Variants in PCDHA3 observed in about 807,000 individuals in gnomAD.
PCDHA3 encodes the protein protocadherin alpha 3.
A neutral mutation model predicts 62.2 loss-of-function variants in PCDHA3; 41 were observed. The observed-to-expected ratio is 0.66, with a 90% confidence interval of 0.51 to 0.86. The LOEUF (loss-of-function observed/expected upper bound fraction) is 0.86, where lower values mean the gene tolerates loss of function less well. Ranked by LOEUF, PCDHA3 falls within the 40% of genes least tolerant of loss-of-function variation. The probability of loss-of-function intolerance (pLI) is 0.00; values close to 1 mark genes in which losing one functional copy is unlikely to be tolerated. For synonymous variants in PCDHA3, 640 were observed against 555.4 expected (o/e 1.15, Z -2.14); for missense variants, 1,304 against 1,241.2 (o/e 1.05, Z -0.76).
In PCDHA3 at chr5:140,856,944, G is replaced by A; in HGVS notation, c.2394+53353G>A. Reference sequence around the variant, plus strand: ...AAATTTTGGATAAACGAAAGGACGGGAGAAATAAAAGTAAATGATGCTATT... The same window carrying A: ...AAATTTTGGATAAACGAAAGGACGGAAGAAATAAAAGTAAATGATGCTATT... On this transcript the variant is annotated intron_variant, in intron 1 of 3. Transcript: ENST00000522353. 1.9e-6 allele frequency: 3 copies of A among 1,593,674 alleles called. 1 individual carries two copies. The highest frequency in any genetic ancestry group is 2.6e-6 in the Non-Finnish European group (3 of 1,163,664).
intron 3 of PCDHA3, among the ~76,000 whole-genome samples, chr5:141,000,393 C>CTATA (rs1563650230): frequency 1.3e-4 from 7 of 52,858 alleles, no homozygotes; most frequent in Admixed American, 2.8e-4. Context: ...CTCTCTCTCT[C>CTATA]TCTATATATA....
At chr5:140,852,973 T>G (rs2150526500) in intron 1 of PCDHA3, 26 of 368,004 alleles carry the variant, frequency 7.1e-5, no homozygotes, top group Non-Finnish European at 9.8e-5. Flanking sequence ...CCCCCTCCCG[T>G]GTTCACGCCA....
intron 1 of PCDHA3, chr5:140,852,044 T>C (rs1581270101): frequency 2.2e-6 from 2 of 922,218 alleles, no homozygotes; most frequent in South Asian, 5.0e-5. Context: ...GTTTTTGTTA[T>C]GTGGTTTATA....
chr5:140,969,117 A>G (rs1554231477), intron 1 of PCDHA3: 1 of 1,614,178 alleles, frequency 6.2e-7, no homozygotes, highest in Non-Finnish European at 8.5e-7. Context: ...GTTCGAGGGA[A>G]TGGCTCCCTC....
At chr5:140,880,857 A>G (rs1296520788) in intron 1 of PCDHA3, among the ~76,000 whole-genome samples, 1 of 152,234 alleles carries the variant, frequency 6.6e-6, no homozygotes, top group African/African-American at 2.4e-5. Flanking sequence ...ATGTAGTCTA[A>G]TTATGTGAAG....
rs373073076 is a variant in PCDHA3 at position 140,801,876 on chromosome 5, C to A, written c.679C>A (p.Gln227Lys). The A allele has an allele frequency of 1.7e-5, 28 of 1,613,990 alleles. No individual in the cohort carries two copies. In the African/African-American group the frequency reaches 3.6e-4, roughly 21 times the overall value. The change falls in exon 1 of 4, where the codon CAA becomes AAA. Residue 227 changes from glutamine (Q) to lysine (K), a missense_variant. Coordinates refer to ENST00000522353, the MANE Select transcript of PCDHA3 (RefSeq NM_018906.3). Reference sequence around the variant, plus strand: ...GAAACCAGAGCTCACTGGCACGACTCAACTAAAGATCACTGTTTTAGATGT... The same window carrying A: ...GAAACCAGAGCTCACTGGCACGACTAAACTAAAGATCACTGTTTTAGATGT... ...GGKPELTGTT[Q>K]LKITVLDVND...
intron 1 of PCDHA3, chr5:140,805,423 T>C (rs1763564687): frequency 9.4e-7 from 1 of 1,061,906 alleles, no homozygotes; most frequent in East Asian, 7.7e-5. Context: ...GGTTTTTTGT[T>C]GTTGTTTTGG....
At chr5:140,868,935 G>A in intron 1 of PCDHA3, 1 of 1,171,026 alleles carries the variant, frequency 8.5e-7, no homozygotes, top group South Asian at 1.6e-5. Flanking sequence ...TTAAAGGTTG[G>A]TCTGAACAGT....
chr5:140,876,953 T>G (rs1455444799), intron 1 of PCDHA3: 6 of 1,613,306 alleles, frequency 3.7e-6, no homozygotes, highest in African/African-American at 1.3e-5. Flanking sequence ...TCCTACTCGC[T>G]GGTGGAGCGG....
chr5:140,966,909 T>C, intron 1 of PCDHA3: 1 of 1,601,466 alleles, frequency 6.2e-7, no homozygotes, highest in Non-Finnish European at 8.5e-7. Context: ...CGATACTCTG[T>C]GCCAGAGGAG....
intron 1 of PCDHA3, chr5:140,869,195 T>A (rs1554162619): frequency 6.2e-7 from 1 of 1,613,916 alleles, no homozygotes; most frequent in East Asian, 2.2e-5. Flanking sequence ...AGCGGCCAGC[T>A]CCACTACTCC....
intron 2 of PCDHA3, chr5:140,982,229 A>C (rs2096972091): frequency 3.2e-6 from 2 of 616,470 alleles, no homozygotes. Context: ...TTAATAAAAA[A>C]CAGAATTGCC....
intron 1 of PCDHA3, among the ~76,000 whole-genome samples, chr5:140,909,836 C>T (rs2074710574): frequency 6.6e-6 from 1 of 152,176 alleles, no homozygotes; most frequent in South Asian, 2.1e-4. Flanking sequence ...ACTGGAGGAC[C>T]ACCAGGACGT....
chr5:140,966,318 C>A, intron 1 of PCDHA3: 1 of 389,680 alleles, frequency 2.6e-6, no homozygotes, highest in African/African-American at 2.1e-5. Context: ...TCCTGCGGTC[C>A]GCTGGGATCC....
intron 1 of PCDHA3, chr5:140,881,444 A>C (rs2058716592): frequency 1.2e-6 from 1 of 800,270 alleles, no homozygotes; most frequent in African/African-American, 1.9e-5. Context: ...ATAAAAACAG[A>C]ATCCAAAACC....
intron 1 of PCDHA3, among the ~76,000 whole-genome samples, chr5:140,963,640 CT>C (rs1426012343): frequency 6.6e-6 from 1 of 152,164 alleles, no homozygotes; most frequent in African/African-American, 2.4e-5. Flanking sequence ...CGCATCTTCC[CT>C]ATCATGGTTG....
At chr5:140,842,073 T>C (rs2150328918) in intron 1 of PCDHA3, 1 of 1,613,862 alleles carries the variant, frequency 6.2e-7, no homozygotes, top group Non-Finnish European at 8.5e-7. Flanking sequence ...GAAGTAAGAA[T>C]ATTCGAAAAC....
At chr5:140,809,279 G>T in intron 1 of PCDHA3, 1 of 1,614,106 alleles carries the variant, frequency 6.2e-7, no homozygotes, top group Non-Finnish European at 8.5e-7. Flanking sequence ...GGATGTCAAC[G>T]TATACCTGAT....
intron 1 of PCDHA3, among the ~76,000 whole-genome samples, chr5:140,887,368 T>C (rs2061428699): frequency 6.6e-6 from 1 of 152,174 alleles, no homozygotes; most frequent in Non-Finnish European, 1.5e-5. Context: ...AGTGCTGGGA[T>C]TACAGGTGTG....
Sources: allele counts gnomAD v4.1 joint callset (sites outside exome capture counted in the v4.1 genomes callset), GRCh38; gene constraint gnomAD v4.1.1; transcripts MANE v1.5; gene names NCBI Gene and HGNC (gene_info 2026-07-23, HGNC 2026-07-21).